TEX11: variants seen among roughly 807,000 people sequenced by gnomAD.
The protein encoded by TEX11 is testis expressed 11, also known as testis-expressed protein 11.
In TEX11, 7 loss-of-function variants were observed where a neutral mutation model predicts 84.4. The observed-to-expected ratio is 0.08, with a 90% CI of 0.05 to 0.16. TEX11 has a LOEUF of 0.16. TEX11 is among the 10% of genes least tolerant of loss of function. TEX11 has a pLI of 1.00. For synonymous variants in TEX11, 264 were observed against 222.8 expected (o/e 1.18, Z -1.64); for missense variants, 551 against 660.5 (o/e 0.83, Z 1.82).
At chrX:70,661,518 A>G (rs766791657) in intron 16 of TEX11, among the ~76,000 whole-genome samples, 1 of 112,170 alleles carries the variant, frequency 8.9e-6, no homozygotes, top group East Asian at 2.8e-4. Context: ...GACAGCTTGG[A>G]AGAGAGTAGT....
intron 11 of TEX11, among the ~76,000 whole-genome samples, chrX:70,733,672 G>C (rs888047302): frequency 1.8e-5 from 2 of 111,655 alleles, no homozygotes; most frequent in Admixed American, 9.5e-5. Flanking sequence ...TGGTGAGGAT[G>C]TGAAAAAATA....
intron 24 of TEX11, among the ~76,000 whole-genome samples, chrX:70,592,626 T>A (rs1287736974): frequency 1.8e-5 from 2 of 111,386 alleles, no homozygotes; most frequent in Admixed American, 1.9e-4. Context: ...GGATAGAGTG[T>A]CCATGCTGGG....
intron 4 of TEX11, among the ~76,000 whole-genome samples, chrX:70,863,133 G>T (rs776336125): frequency 1.2e-4 from 13 of 110,948 alleles, no homozygotes; most frequent in Non-Finnish European, 2.5e-4. Flanking sequence ...CACAGCTTCA[G>T]TGAACTTAAA....
At chrX:70,667,539 AAAG>A (rs1219027538) in intron 16 of TEX11, among the ~76,000 whole-genome samples, 2 of 112,306 alleles carry the variant, frequency 1.8e-5, no homozygotes, top group Non-Finnish European at 3.8e-5. Context: ...TTGGCAACAA[AAAG>A]AAGGACACAG....
At chrX:70,530,082 A>T in intron 28 of TEX11, 83 bp from the exon 29 acceptor site, 1 of 861,137 alleles carries the variant, frequency 1.2e-6, no homozygotes. Flanking sequence ...ATGTCCCTTT[A>T]TTACTAAACA....
At chrX:70,626,590 C>T (rs2089454024) in intron 18 of TEX11, among the ~76,000 whole-genome samples, 1 of 111,322 alleles carries the variant, frequency 9.0e-6, no homozygotes, top group African/African-American at 3.3e-5. Context: ...ATAACCACTC[C>T]CTTGTTCCTT....
At chrX:70,628,718 T>C (rs1248334502) in intron 18 of TEX11, among the ~76,000 whole-genome samples, 1 of 111,792 alleles carries the variant, frequency 8.9e-6, no homozygotes, top group Non-Finnish European at 1.9e-5. Flanking sequence ...GTGAGAAGGG[T>C]AATAGAACTC....
intron 7 of TEX11, among the ~76,000 whole-genome samples, chrX:70,837,699 G>C (rs756477742): frequency 9.2e-4 from 103 of 111,881 alleles, no homozygotes; most frequent in Non-Finnish European, 1.6e-3. Context: ...TTTATATAAT[G>C]TTCTTAAAAT....
At chrX:70,736,518 T>C (rs1324177417) in intron 11 of TEX11, among the ~76,000 whole-genome samples, 1 of 109,224 alleles carries the variant, frequency 9.2e-6, no homozygotes, top group South Asian at 4.0e-4. Flanking sequence ...AAGTTTGTCT[T>C]CTAGCTAAGC....
At chrX:70,617,269 G>T (rs1249879759) in intron 20 of TEX11, among the ~76,000 whole-genome samples, 1 of 106,607 alleles carries the variant, frequency 9.4e-6, no homozygotes, top group African/African-American at 3.4e-5. Flanking sequence ...TTAGAGAGAA[G>T]GAAAATGATA....
At chrX:70,544,606 G>A (rs1396715652) in intron 28 of TEX11, among the ~76,000 whole-genome samples, 2 of 108,966 alleles carry the variant, frequency 1.8e-5, no homozygotes, top group Admixed American at 9.8e-5. Flanking sequence ...TCGGGAGGTC[G>A]AGGCGGATGG....
At chrX:70,895,120 A>G (rs1384866166) in intron 2 of TEX11, among the ~76,000 whole-genome samples, 1 of 111,556 alleles carries the variant, frequency 9.0e-6, no homozygotes, top group African/African-American at 3.3e-5. Context: ...ACATGATTGT[A>G]TATTTAGACA....
At chrX:70,688,839 G>A (rs957606370) in intron 13 of TEX11, among the ~76,000 whole-genome samples, 2 of 100,872 alleles carry the variant, frequency 2.0e-5, no homozygotes, top group African/African-American at 7.2e-5. Flanking sequence ...GGAGGTTGGG[G>A]GAATCCTCAG....
At chrX:70,721,842 C>G (rs1400043531) in intron 13 of TEX11, among the ~76,000 whole-genome samples, 1 of 111,515 alleles carries the variant, frequency 9.0e-6, no homozygotes, top group Non-Finnish European at 1.9e-5. Flanking sequence ...TTTGCAGACC[C>G]CTGAATTAGA....
At chrX:70,712,074 AG>A (rs1324537655) in intron 13 of TEX11, among the ~76,000 whole-genome samples, 1 of 111,266 alleles carries the variant, frequency 9.0e-6, no homozygotes, top group Non-Finnish European at 1.9e-5. Context: ...TGTTTTTGTC[AG>A]GTTTGTCAAA....
chrX:70,692,849 C>G (rs1188727655), intron 13 of TEX11, among the ~76,000 whole-genome samples: 3 of 111,112 alleles, frequency 2.7e-5, no homozygotes, highest in Non-Finnish European at 5.7e-5. Context: ...AAGTAGAATT[C>G]CTGGATCATA....
intron 15 of TEX11, among the ~76,000 whole-genome samples, chrX:70,674,526 A>G (rs1402416551): frequency 8.9e-6 from 1 of 111,913 alleles, no homozygotes; most frequent in Non-Finnish European, 1.9e-5. Flanking sequence ...ACAGTATATA[A>G]GTGTTCCTTT....
rs778603655 is a variant in TEX11 at position 70,853,254 on chromosome X, A to G, written c.399T>C (p.Ala133=). 1.9e-5 allele frequency: 23 copies of G among 1,208,889 alleles called. No individual in the cohort carries two copies. The highest frequency in any genetic ancestry group is 4.4e-5 in the Admixed American group (2 of 45,676). The part of the protein sequence containing the change: ...FLIADECFQA[A]VASLEQLYVK... ...AAAGTCAATGGTAACTTACGGCCAC[A>G]GCAGCTTGAAAACATTCATCAGCGA... Residue 133 remains alanine, a synonymous_variant, in exon 6 of 30, where the codon GCT becomes GCC. Transcript: ENST00000374333.
At chrX:70,804,702 G>T (rs945424188) in intron 9 of TEX11, among the ~76,000 whole-genome samples, 3 of 111,351 alleles carry the variant, frequency 2.7e-5, no homozygotes, top group African/African-American at 9.8e-5. Flanking sequence ...TAGCCGCTAA[G>T]ATATTCTAGT....
Sources: allele counts gnomAD v4.1 joint callset (sites outside exome capture counted in the v4.1 genomes callset), GRCh38; gene constraint gnomAD v4.1.1; transcripts MANE v1.5; gene names NCBI Gene and HGNC (gene_info 2026-07-23, HGNC 2026-07-21).